The following TBC1D5 variants were observed in gnomAD, a reference collection of about 807,000 sequenced individuals.
TBC1D5 encodes the protein TBC1 domain family member 5.
In TBC1D5, 75 loss-of-function variants were observed where a neutral mutation model predicts 100.3. That is an observed-to-expected ratio of 0.75 (90% CI 0.62 to 0.91). The LOEUF is 0.91. Ranked by LOEUF, TBC1D5 falls within the 40% of genes least tolerant of loss-of-function variation. TBC1D5 has a pLI of 0.00. For synonymous variants in TBC1D5, 323 were observed against 325.6 expected (o/e 0.99, Z 0.09); for missense variants, 910 against 942.4 (o/e 0.97, Z 0.45).
chr3:17,621,372 T>A (rs923668271), intron 2 of TBC1D5, among the ~76,000 whole-genome samples: 10 of 152,200 alleles, frequency 6.6e-5, no homozygotes, highest in Admixed American at 5.2e-4. Flanking sequence ...GCTAATATTA[T>A]TCCCACTAAA....
rs144324218 is a variant in TBC1D5 at position 17,321,651 on chromosome 3, A to G, written c.996-13517T>C. Among the ~76,000 whole-genome samples, 120 of 152,204 alleles carry G rather than the reference A, an allele frequency of 7.9e-4. 1 individual carries two copies. In the East Asian group the frequency reaches 0.022, roughly 28 times the overall value. ...GTTCTAATCAATATACTTTACCGTT[A>G]TTTTCTAGGAATTTTGTAATTTCAG... On this transcript the variant is annotated intron_variant, in intron 13 of 21. Coordinates refer to ENST00000253692, the Ensembl canonical transcript of TBC1D5.
intron 1 of TBC1D5, among the ~76,000 whole-genome samples, chr3:17,725,387 G>T (rs1403804761): frequency 6.6e-6 from 1 of 151,746 alleles, no homozygotes; most frequent in Non-Finnish European, 1.5e-5. Context: ...GAGCGAAGAA[G>T]TATTTTTTTT....
intron 2 of TBC1D5, among the ~76,000 whole-genome samples, chr3:17,611,578 A>G (rs1204933415): frequency 6.6e-6 from 1 of 152,198 alleles, no homozygotes; most frequent in Non-Finnish European, 1.5e-5. Flanking sequence ...TAAGAGGAAA[A>G]GCAAGATGAA....
At position 17,428,189 on chromosome 3, in the gene TBC1D5, T is replaced by C. The variant is rs186702327; in HGVS notation, c.167+261A>G. 5.3e-4 allele frequency among the ~76,000 whole-genome samples: 81 copies of C among 151,892 alleles called. 1 individual carries two copies. The highest frequency in any genetic ancestry group is 1.0e-3 in the African/African-American group (42 of 41,516). On this transcript the variant is annotated intron_variant, in intron 4 of 21. Transcript: ENST00000253692. ...TGCATTCATTCCAATTACCCTACTA[T>C]TGGCTAACAACAGATACTGCAGTAA...
intron 13 of TBC1D5, among the ~76,000 whole-genome samples, chr3:17,332,856 G>A (rs1479030780): frequency 6.6e-6 from 1 of 152,162 alleles, no homozygotes; most frequent in Non-Finnish European, 1.5e-5. Flanking sequence ...GACAGGCCGA[G>A]AGTGGTGGAT....
At chr3:17,712,008 C>T (rs1036494536) in intron 1 of TBC1D5, among the ~76,000 whole-genome samples, 1 of 152,194 alleles carries the variant, frequency 6.6e-6, no homozygotes, top group Non-Finnish European at 1.5e-5. Context: ...AAAACACATG[C>T]TTAATTAAAT....
At chr3:17,353,278 A>C (rs1374393694) in intron 13 of TBC1D5, among the ~76,000 whole-genome samples, 1 of 152,116 alleles carries the variant, frequency 6.6e-6, no homozygotes, top group African/African-American at 2.4e-5. Context: ...AACTATTAAC[A>C]TAAGAAAGGT....
intron 4 of TBC1D5, among the ~76,000 whole-genome samples, chr3:17,426,510 T>TA (rs150223688): frequency 0.11 from 16,954 of 152,078 alleles, 1,124 homozygotes; most frequent in African/African-American, 0.18. Context: ...TTGAGCTTTT[T>TA]ATCTTCTCTT....
Position 17,710,842 on chromosome 3 carries a change from C to T in TBC1D5, c.-101+28501G>A, listed in dbSNP as rs148500897. Among the ~76,000 whole-genome samples the T allele has an allele frequency of 5.5e-4, 83 of 152,086 alleles. 2 individuals are homozygous for T. In the East Asian group the frequency reaches 0.015, roughly 27 times the overall value. ...CCTCCTGAGTAGCTAGGATTACAGGCATGCGTCACCACGCCCAGCTAATTT... is the reference window on the plus strand; with the variant it reads ...CCTCCTGAGTAGCTAGGATTACAGGTATGCGTCACCACGCCCAGCTAATTT... On this transcript the variant is annotated intron_variant, in intron 1 of 21. Transcript: ENST00000253692.
chr3:17,200,816 C>A (rs1229770830), intron 18 of TBC1D5, among the ~76,000 whole-genome samples: 1 of 152,146 alleles, frequency 6.6e-6, no homozygotes, highest in Non-Finnish European at 1.5e-5. Flanking sequence ...TCCTGAGCAA[C>A]AAGCAGTACA....
At chr3:17,166,785 C>A in exon 21 of TBC1D5, 5 of 1,611,782 alleles carry the variant, frequency 3.1e-6, no homozygotes, top group East Asian at 2.2e-5. Context: ...TGGCCCCTGA[C>A]ATTTGAACGC....
chr3:17,648,901 T>C (rs2065266139), intron 1 of TBC1D5, among the ~76,000 whole-genome samples: 1 of 152,126 alleles, frequency 6.6e-6, no homozygotes, highest in African/African-American at 2.4e-5. Flanking sequence ...AGTTCAACCA[T>C]CATGGAAAGC....
At chr3:17,168,122 G>A (rs1166899146) in intron 19 of TBC1D5, among the ~76,000 whole-genome samples, 1 of 152,168 alleles carries the variant, frequency 6.6e-6, no homozygotes, top group African/African-American at 2.4e-5. Flanking sequence ...GACATGATGT[G>A]GCTGACAGCC....
chr3:17,441,939 G>T (rs907002139), intron 3 of TBC1D5, among the ~76,000 whole-genome samples: 1 of 152,114 alleles, frequency 6.6e-6, no homozygotes, highest in Non-Finnish European at 1.5e-5. Context: ...TACCACTGCA[G>T]CATATTTCTC....
intron 3 of TBC1D5, among the ~76,000 whole-genome samples, chr3:17,456,398 C>A (rs559603445): frequency 6.6e-6 from 1 of 152,098 alleles, no homozygotes; most frequent in Admixed American, 6.5e-5. Flanking sequence ...GCAAACTACC[C>A]ATGTAACAAG....
At chr3:17,225,434 G>A (rs1414421035) in intron 17 of TBC1D5, among the ~76,000 whole-genome samples, 5 of 126,674 alleles carry the variant, frequency 3.9e-5, no homozygotes, top group East Asian at 4.0e-4. Context: ...AGTGAGACTC[G>A]GTCTCAAAAA....
intron 3 of TBC1D5, among the ~76,000 whole-genome samples, chr3:17,433,233 C>T (rs1223423482): frequency 1.3e-5 from 2 of 152,132 alleles, no homozygotes; most frequent in Non-Finnish European, 2.9e-5. Context: ...GAAGAAGCAG[C>T]GGACATGAAT....
intron 2 of TBC1D5, among the ~76,000 whole-genome samples, chr3:17,528,548 G>C (rs1305949582): frequency 6.6e-6 from 1 of 152,102 alleles, no homozygotes; most frequent in Non-Finnish European, 1.5e-5. Flanking sequence ...CTGGTATTTA[G>C]TCACAGCAGC....
At chr3:17,662,081 G>T (rs1296116089) in intron 1 of TBC1D5, among the ~76,000 whole-genome samples, 1 of 151,996 alleles carries the variant, frequency 6.6e-6, no homozygotes, top group African/African-American at 2.4e-5. Context: ...GTAGAGACAG[G>T]GTCTCGCTAC....
Sources: allele counts gnomAD v4.1 joint callset (sites outside exome capture counted in the v4.1 genomes callset), GRCh38; gene constraint gnomAD v4.1.1; transcripts MANE v1.5; gene names NCBI Gene and HGNC (gene_info 2026-07-23, HGNC 2026-07-21).